The following ADAM19 variants were observed in gnomAD, a reference collection of about 807,000 sequenced individuals.
The protein encoded by ADAM19 is ADAM metallopeptidase domain 19.
Under a neutral mutation model 114.7 loss-of-function variants are expected in ADAM19, and 65 were observed. The observed-to-expected ratio is 0.57, with a 90% confidence interval of 0.46 to 0.70. The LOEUF is 0.70. Ranked by LOEUF, ADAM19 falls within the 30% of genes least tolerant of loss-of-function variation. The pLI, the probability that ADAM19 is intolerant of heterozygous loss-of-function variation, is 0.00. For missense variants in ADAM19, 1,063 were observed against 1,204.7 expected (o/e 0.88, Z 1.74); for synonymous variants, 466 against 460.5 (o/e 1.01, Z -0.15).
chr5:157,493,257 T>C (rs2113700731), intron 15 of ADAM19, 80 bp from the exon 16 acceptor site: 1 of 1,509,166 alleles, frequency 6.6e-7, no homozygotes, highest in Non-Finnish European at 9.1e-7. Flanking sequence ...CTTCAGTCTT[T>C]CTTGATCAAG....
At chr5:157,518,614 C>T (rs556222366) in intron 7 of ADAM19, among the ~76,000 whole-genome samples, 2 of 152,234 alleles carry the variant, frequency 1.3e-5, no homozygotes, top group African/African-American at 2.4e-5. Context: ...AAACTCCTGA[C>T]CTCAGGTGAT....
At chr5:157,499,466 C>T (rs1359705436) in intron 13 of ADAM19, 107 bp downstream of exon 13, 2 of 950,176 alleles carry the variant, frequency 2.1e-6, no homozygotes, top group African/African-American at 3.3e-5. Context: ...CTGTTGCCAT[C>T]ACAGCCCCAG....
Position 157,479,455 on chromosome 5 carries a change from G to T in ADAM19, c.*1494C>A. 3.0e-6 allele frequency: 3 copies of T among 985,990 alleles called. No homozygotes were observed. The African/African-American group carries it at 5.2e-5, about 17-fold the overall frequency. The allele number at this position is 985,990 out of a possible 1,614,324, so 61.1% of individuals were successfully genotyped here. On this transcript the variant is annotated 3_prime_UTR_variant, in exon 23 of 23. Transcript: ENST00000257527. ...TGAGAGTCAGGCCAGCTCCTGTCCGGAGAGCCACCCAGCACCTTTGTGGAG... is the reference window on the plus strand; with the variant it reads ...TGAGAGTCAGGCCAGCTCCTGTCCGTAGAGCCACCCAGCACCTTTGTGGAG...
chr5:157,478,177 A>G lies in ADAM19; in HGVS notation c.*2772T>C, dbSNP rs926940497. 6.5e-6 allele frequency: 1 copy of G among 153,822 alleles called. No homozygotes were observed. The highest frequency in any genetic ancestry group is 2.4e-5 in the African/African-American group (1 of 41,002). 9.5% of individuals were successfully genotyped at this position (153,822 alleles called of 1,614,324 possible). On this transcript the variant is annotated 3_prime_UTR_variant, in exon 23 of 23. Transcript: ENST00000257527. ...TTTACCTACATCCCCATCTGCACAA[A>G]GAGCTTGCTAACTCACTAACCCAAA...
chr5:157,520,533 G>A (rs949815519), intron 5 of ADAM19, among the ~76,000 whole-genome samples: 2 of 152,194 alleles, frequency 1.3e-5, no homozygotes, highest in African/African-American at 4.8e-5. Context: ...CAAGTGAGGT[G>A]ACCGAGGTTC....
Position 157,519,803 on chromosome 5 carries a change from C to T in ADAM19, c.600+36G>A, listed in dbSNP as rs374876229. 3.8e-4 allele frequency: 595 copies of T among 1,569,242 alleles called. 1 individual carries two copies. Among genetic ancestry groups the T allele is most frequent in the Non-Finnish European group, 5.0e-4 (577 of 1,154,372 alleles). ...ACCTCAGAGGGGACAAGCCTGTCCCCAGGTTGATTTCTGCACTGAGAGCCT... is the reference window on the plus strand; with the variant it reads ...ACCTCAGAGGGGACAAGCCTGTCCCTAGGTTGATTTCTGCACTGAGAGCCT... On this transcript the variant is annotated intron_variant, in intron 6 of 22. Coordinates refer to ENST00000257527, the MANE Select transcript of ADAM19 (RefSeq NM_033274.5).
rs1298214120 is a variant in ADAM19, at chr5:157,518,881, C to CT, written c.607dup (p.Arg203LysfsTer17). 6.2e-7 allele frequency: 1 copy of CT among 1,613,772 alleles called. No homozygotes were observed. The highest frequency in any genetic ancestry group is 8.5e-7 in the Non-Finnish European group (1 of 1,179,780). On this transcript the variant is annotated frameshift_variant, in exon 7 of 23. Transcript: ENST00000257527. LOFTEE classifies it high-confidence loss of function. ...ATACTTCATGGAGTTTAAATCTTCC[C>CT]TTTTCATCTAAGAAAGAGAAACAGA...
rs186315486 is a variant in ADAM19 at position 157,503,007 on chromosome 5, T to C, written c.1131-27A>G. The C allele has an allele frequency of 4.6e-5, 73 of 1,602,912 alleles. No individual in the cohort carries two copies. In the Admixed American group the frequency reaches 6.0e-4, roughly 13 times the overall value. ...TGGCAGAGGACAAGGCTGGAATTAG[T>C]GGGGAGTTTGAGCATCTAGCAGTCA... On this transcript the variant is annotated intron_variant, in intron 11 of 22. Transcript: ENST00000257527.
chr5:157,501,479 T>C (rs1755560208), intron 12 of ADAM19, among the ~76,000 whole-genome samples: 1 of 152,230 alleles, frequency 6.6e-6, no homozygotes, highest in Non-Finnish European at 1.5e-5. Context: ...AACTATGTCA[T>C]TTTTGCCACT....
At chr5:157,563,387 A>C (rs184410354) in intron 3 of ADAM19, among the ~76,000 whole-genome samples, 1 of 152,306 alleles carries the variant, frequency 6.6e-6, no homozygotes, top group Admixed American at 6.5e-5. Context: ...GCAAGTGCCC[A>C]AAAAGCCCAA....
Position 157,477,602 on chromosome 5 carries a change from G to C in ADAM19, c.*3347C>G, listed in dbSNP as rs1369226492. On this transcript the variant is annotated 3_prime_UTR_variant, in exon 23 of 23. Coordinates refer to ENST00000257527, the MANE Select transcript of ADAM19 (RefSeq NM_033274.5). ...AACCTCTCCTTCGCAGGCTCCCCTG[G>C]GGAAGGGGACCTTTCCAGTTGGCGT... 1 of 1,273,672 alleles carries C rather than the reference G, an allele frequency of 7.9e-7. No individual in the cohort carries two copies. Among genetic ancestry groups the C allele is most frequent in the South Asian group, 1.3e-5 (1 of 79,690 alleles). The allele number at this position is 1,273,672 out of a possible 1,614,324, so 78.9% of individuals were successfully genotyped here.
intron 2 of ADAM19, among the ~76,000 whole-genome samples, chr5:157,565,002 G>T (rs1403658788): frequency 6.6e-6 from 1 of 152,110 alleles, no homozygotes; most frequent in Non-Finnish European, 1.5e-5. Context: ...CTTCGTAGTG[G>T]GTTCTTATTT....
intron 15 of ADAM19, among the ~76,000 whole-genome samples, chr5:157,493,550 G>T (rs974008745): frequency 2.6e-5 from 4 of 152,062 alleles, no homozygotes; most frequent in Non-Finnish European, 4.4e-5. Context: ...TCACTCCTGG[G>T]CTCAAGCCAT....
At chr5:157,512,590 A>G (rs1011178560) in intron 8 of ADAM19, among the ~76,000 whole-genome samples, 3 of 152,250 alleles carry the variant, frequency 2.0e-5, no homozygotes, top group Admixed American at 2.0e-4. Context: ...ATTTTGTACT[A>G]TAACAAATAT....
At chr5:157,573,999 T>C (rs762051812) in intron 1 of ADAM19, among the ~76,000 whole-genome samples, 4 of 152,202 alleles carry the variant, frequency 2.6e-5, no homozygotes. Context: ...TTTTTAACTT[T>C]TGAAAACTTT....
chr5:157,526,623 CA>C (rs1756470192), intron 5 of ADAM19, among the ~76,000 whole-genome samples: 1 of 129,576 alleles, frequency 7.7e-6, no homozygotes, highest in African/African-American at 3.0e-5. Flanking sequence ...TTATTGGTGT[CA>C]TTTTTTTTTT....
At chr5:157,513,182 A>G (rs1755974457) in intron 8 of ADAM19, among the ~76,000 whole-genome samples, 1 of 152,200 alleles carries the variant, frequency 6.6e-6, no homozygotes, top group Non-Finnish European at 1.5e-5. Flanking sequence ...CCACACATTG[A>G]TTTACGACAG....
At position 157,502,935 on chromosome 5, in the gene ADAM19, C is replaced by T; in HGVS notation, c.1176G>A (p.Leu392=). Reference sequence around the variant, plus strand: ...CACCACCTGACTGCAGATACCTGTCCAGCTCCCTCCTGTTGCATCCATTGA... The same window carrying T: ...CACCACCTGACTGCAGATACCTGTCTAGCTCCCTCCTGTTGCATCCATTGA... ...KVFNGCNRRE[L]DRYLQSGGGM... Residue 392 remains leucine (L), a synonymous_variant, in exon 12 of 23, where the codon CTG becomes CTA. Transcript: ENST00000257527. 6.2e-7 allele frequency: 1 copy of T among 1,614,158 alleles called. No homozygotes were observed. The highest frequency in any genetic ancestry group is 1.3e-5 in the African/African-American group (1 of 75,026).
intron 9 of ADAM19, among the ~76,000 whole-genome samples, chr5:157,508,631 T>C (rs1307367012): frequency 1.3e-5 from 2 of 151,342 alleles, no homozygotes; most frequent in Non-Finnish European, 2.9e-5. Context: ...AGAAGACAAA[T>C]GGTTTTATTA....
Sources: gnomAD v4.1 joint callset for allele counts (sites outside exome capture counted in the v4.1 genomes callset) on GRCh38, gnomAD v4.1.1 for gene constraint, MANE v1.5 for transcripts, NCBI Gene and HGNC (gene_info 2026-07-23, HGNC 2026-07-21) for gene names.